The following EP400 variants were observed in gnomAD, a reference collection of about 807,000 sequenced individuals.
EP400 encodes E1A-binding protein p400.
EP400 carries 105 observed loss-of-function variants against 354.1 expected under a neutral mutation model. The ratio of observed to expected loss-of-function variants is 0.30; its 90% CI spans 0.25 to 0.35. The LOEUF (loss-of-function observed/expected upper bound fraction) is 0.35. EP400 is among the 10% of genes least tolerant of loss of function. The pLI, the probability that EP400 is intolerant of heterozygous loss-of-function variation, is 1.00. For synonymous variants in EP400, 1,646 were observed against 1,716.9 expected (o/e 0.96, Z 1.02); for missense variants, 3,280 against 4,121.0 (o/e 0.80, Z 5.59).
chr12:132,066,682 T>G, intron 48 of EP400, 92 bp from the exon 49 acceptor site: 3 of 1,334,046 alleles, frequency 2.2e-6, no homozygotes, highest in Non-Finnish European at 3.1e-6. Flanking sequence ...TTTGTAAATT[T>G]TCTCATGGCA....
In EP400 at chr12:132,020,202, C is replaced by T; in HGVS notation, c.4431C>T (p.Ala1477=). ...GGCCGCCCATCGCCACGTTCTCTGC[C>T]AATCCGGAGGCAAAAGGTAGACTTC... ...RGRPPIATFS[A]NPEAKAAAAP... Residue 1477 remains alanine, a synonymous_variant, in exon 22 of 53, where the codon GCC becomes GCT. Coordinates refer to ENST00000389561, the MANE Select transcript of EP400 (RefSeq NM_015409.5). 6.2e-7 allele frequency: 1 copy of T among 1,606,328 alleles called. No individual in the cohort carries two copies. Among genetic ancestry groups the T allele is most frequent in the East Asian group, 2.3e-5 (1 of 44,360 alleles).
Position 132,064,872 on chromosome 12 carries a change from C to G in EP400, c.8539C>G (p.Gln2847Glu). 1 of 1,609,012 alleles carries G rather than the reference C, an allele frequency of 6.2e-7. No homozygotes were observed. The highest frequency in any genetic ancestry group is 8.5e-7 in the Non-Finnish European group (1 of 1,178,178). Reference sequence around the variant, plus strand: ...GACGGGCACCACCGTGGCCAACCTCCAGGTGGCCCGGCTCGTAAGTGTCAG... The same window carrying G: ...GACGGGCACCACCGTGGCCAACCTCGAGGTGGCCCGGCTCGTAAGTGTCAG... Reference protein sequence around the residue: ...LLTGTTVANLQVARLTRVPTS... With the variant: ...LLTGTTVANLEVARLTRVPTS... The change falls in exon 48 of 53, where the codon CAG (glutamine) becomes GAG (glutamate). Residue 2847 changes from glutamine to glutamate, a missense_variant. By Grantham distance (29) the Gln-to-Glu change is conservative. Around this residue, in one of 20 missense-constraint regions of EP400, gnomAD observed 279 missense variants for 386.7 expected, o/e 0.72. Coordinates refer to ENST00000389561, the MANE Select transcript of EP400 (RefSeq NM_015409.5).
chr12:131,968,112 A>T lies in EP400; in HGVS notation c.1335+6158A>T, dbSNP rs1334267073. On this transcript the variant is annotated intron_variant, in intron 2 of 52. Coordinates refer to ENST00000389561, the MANE Select transcript of EP400 (RefSeq NM_015409.5). The stretch of plus-strand genomic sequence containing the variant: ...CAAAAGTTTTAAATTTTGTGGAAGT[A>T]CAATTTATCGTTTTTTTCTTTTATG... 2.0e-5 allele frequency among the ~76,000 whole-genome samples: 3 copies of T among 152,134 alleles called. No individual in the cohort carries two copies. In the East Asian group the frequency reaches 5.8e-4, roughly 29 times the overall value.
chr12:132,044,325 G>A lies in EP400; in HGVS notation c.6585+14G>A. 6.2e-7 allele frequency: 1 copy of A among 1,608,838 alleles called. No homozygotes were observed. The highest frequency in any genetic ancestry group is 1.7e-5 in the Admixed American group (1 of 59,864). On this transcript the variant is annotated intron_variant, in intron 35 of 52. Transcript: ENST00000389561. ...GCCTACAGCATGGTACCCGGCCCGG[G>A]GCCCTCCTGCCCTCTTGCCCCCCTG...
rs561682595 is a variant in EP400 at position 132,030,128 on chromosome 12, C to A, written c.5724C>A (p.Ile1908=). ...LNFHYLTYVR[I]DENASSEQRQ... ...TCCATTACCTCACCTATGTAAGAAT[C>A]GATGAAAATGCCAGCAGTGAGCAAC... is the stretch of plus-strand genomic sequence containing the variant. The change falls in exon 29 of 53, where the codon ATC becomes ATA. Residue 1908 remains isoleucine (I), a synonymous_variant. Coordinates refer to ENST00000389561, the MANE Select transcript of EP400 (RefSeq NM_015409.5). 1 of 1,614,002 alleles carries A rather than the reference C, an allele frequency of 6.2e-7. No homozygotes were observed. The highest frequency in any genetic ancestry group is 1.7e-5 in the Admixed American group (1 of 59,992).
chr12:131,957,430 A>T (rs1473258994), intron 1 of EP400, among the ~76,000 whole-genome samples: 1 of 147,830 alleles, frequency 6.8e-6, no homozygotes, highest in African/African-American at 2.5e-5. Flanking sequence ...TCAGAGATTT[A>T]GTAAATACTC....
At chr12:131,976,616 A>G (rs1412261497) in intron 2 of EP400, among the ~76,000 whole-genome samples, 1 of 152,116 alleles carries the variant, frequency 6.6e-6, no homozygotes, top group Non-Finnish European at 1.5e-5. Context: ...AGGCTGAGGC[A>G]GGAGAATCGC....
chr12:132,023,696 A>T (rs1471934218), intron 23 of EP400, 81 bp from the exon 24 acceptor site: 2 of 1,425,276 alleles, frequency 1.4e-6, no homozygotes, highest in Admixed American at 2.1e-5. Context: ...GTCATTATAT[A>T]CAAGAAACGA....
At chr12:132,031,931 C>G (rs1231869157) in intron 29 of EP400, 22 bp from the exon 30 acceptor site, 1 of 1,586,962 alleles carries the variant, frequency 6.3e-7, no homozygotes, top group African/African-American at 1.3e-5. Flanking sequence ...AATACTAACT[C>G]CTGTGTTTTG....
rs912185896 is a variant in EP400 at position 132,052,236 on chromosome 12, A to C, written c.7395-910A>C. On this transcript the variant is annotated intron_variant, in intron 41 of 52. Coordinates refer to ENST00000389561, the MANE Select transcript of EP400 (RefSeq NM_015409.5). The surrounding 1 kb of genome is among the most constrained non-coding windows in gnomAD (Gnocchi z 4.4). ...CCTTGGTCTCTTGCCTCGGCACCTG[A>C]GTGGCTTGCCGCCCACAGTTGTCAC... Among the ~76,000 whole-genome samples the C allele has an allele frequency of 5.3e-5, 8 of 152,166 alleles. No individual in the cohort carries two copies. Among genetic ancestry groups the C allele is most frequent in the African/African-American group, 1.9e-4 (8 of 41,430 alleles).
rs1895426745 is a variant in EP400 at position 132,054,786 on chromosome 12, T to G, written c.7729-188T>G. On this transcript the variant is annotated intron_variant, in intron 43 of 52. Transcript: ENST00000389561. The surrounding 1 kb of genome is among the most constrained non-coding windows in gnomAD (Gnocchi z 4.0). The stretch of plus-strand genomic sequence containing the variant: ...GGGTGGAGGGACAATGGGATAGGGG[T>G]GGAGGGACAGCAGGTAGACAGAGGG... Among the ~76,000 whole-genome samples the G allele has an allele frequency of 4.3e-5, 6 of 139,914 alleles. No individual in the cohort carries two copies. The highest frequency in any genetic ancestry group is 1.1e-4 in the African/African-American group (4 of 36,690). 91.8% of individuals were successfully genotyped at this position (139,914 alleles called of 152,430 possible).
chr12:132,018,510 C>A lies in EP400; in HGVS notation c.4277+134C>A. 1 of 1,293,884 alleles carries A rather than the reference C, an allele frequency of 7.7e-7. No homozygotes were observed. The highest frequency in any genetic ancestry group is 1.0e-6 in the Non-Finnish European group (1 of 963,146). 80.2% of individuals were successfully genotyped at this position (1,293,884 alleles called of 1,614,324 possible). Reference sequence around the variant, plus strand: ...GCTGCTCTTGGGACCTTGCTGGTGTCCTTGGCTGTGGTATGCCTGGCTCTG... The same window carrying A: ...GCTGCTCTTGGGACCTTGCTGGTGTACTTGGCTGTGGTATGCCTGGCTCTG... On this transcript the variant is annotated intron_variant, in intron 21 of 52. Coordinates refer to ENST00000389561, the MANE Select transcript of EP400 (RefSeq NM_015409.5). The surrounding 1 kb of genome is among the most constrained non-coding windows in gnomAD (Gnocchi z 4.0).
At chr12:132,058,949 A>G (rs1895603635) in intron 45 of EP400, among the ~76,000 whole-genome samples, 2 of 152,144 alleles carry the variant, frequency 1.3e-5, no homozygotes, top group South Asian at 2.1e-4. Flanking sequence ...AGGAGTCCAG[A>G]AAAGGATGAC....
chr12:132,076,031 A>G (rs901922646), intron 51 of EP400: 2 of 226,888 alleles, frequency 8.8e-6, no homozygotes, highest in African/African-American at 2.3e-5. Context: ...AATCATGACT[A>G]AGAAGAATGT....
chr12:132,077,860 G>A lies in EP400; in HGVS notation c.*187G>A. The A allele has an allele frequency of 1.3e-6, 1 of 794,264 alleles. No individual in the cohort carries two copies. Among genetic ancestry groups the A allele is most frequent in the Non-Finnish European group, 1.9e-6 (1 of 518,424 alleles). The allele number at this position is 794,264 out of a possible 1,614,324, so 49.2% of individuals were successfully genotyped here. On this transcript the variant is annotated 3_prime_UTR_variant, in exon 53 of 53. Transcript: ENST00000389561. ...CTGCAGGACAAATGGTCCTTATGGA[G>A]TGCCGCGTTCTCTGTACTACGTGGC...
At chr12:131,951,655 G>A (rs1276477807) in intron 1 of EP400, among the ~76,000 whole-genome samples, 1 of 152,114 alleles carries the variant, frequency 6.6e-6, no homozygotes, top group Non-Finnish European at 1.5e-5. Flanking sequence ...AGGCTGGAGT[G>A]CAGTGGCGCG....
chr12:132,012,952 G>T lies in EP400; in HGVS notation c.3442-57G>T, dbSNP rs537423618. 4 of 1,500,024 alleles carry T rather than the reference G, an allele frequency of 2.7e-6. No individual in the cohort carries two copies. In the African/African-American group the frequency reaches 5.6e-5, roughly 21 times the overall value. 92.9% of individuals were successfully genotyped at this position (1,500,024 alleles called of 1,614,324 possible). On this transcript the variant is annotated intron_variant, in intron 16 of 52. Coordinates refer to ENST00000389561, the MANE Select transcript of EP400 (RefSeq NM_015409.5). ...GCTTTGGGAAGTGTGTGTCCTCAAG[G>T]TGATTTTGAAAGACAGTGGAGTGTG...
intron 13 of EP400, among the ~76,000 whole-genome samples, chr12:132,005,472 G>T (rs1192515388): frequency 6.6e-6 from 1 of 152,092 alleles, no homozygotes; most frequent in African/African-American, 2.4e-5. Context: ...ATTTATTCAG[G>T]CTGTGCTGTG....
chr12:131,962,222 T>C lies in EP400; in HGVS notation c.1335+268T>C, dbSNP rs552566058. The stretch of plus-strand genomic sequence containing the variant: ...GCGTCTTCAACACCCAGTGTTTTCA[T>C]TGAGCACCAAGGATTCATCTCAGGT... On this transcript the variant is annotated intron_variant, in intron 2 of 52. Transcript: ENST00000389561. 2.6e-5 allele frequency among the ~76,000 whole-genome samples: 4 copies of C among 152,306 alleles called. No individual in the cohort carries two copies. The South Asian group carries it at 8.3e-4, about 32-fold the overall frequency.
Sources: allele counts gnomAD v4.1 joint callset (sites outside exome capture counted in the v4.1 genomes callset), GRCh38; gene constraint gnomAD v4.1.1; regional missense constraint gnomAD v4.1.1; non-coding constraint Gnocchi (gnomAD v3.1); transcripts MANE v1.5; gene names NCBI Gene and HGNC (gene_info 2026-07-23, HGNC 2026-07-21).